TFAP2B: variants seen among roughly 807,000 people sequenced by gnomAD.
The protein encoded by TFAP2B is transcription factor AP-2-beta.
Under a neutral mutation model 44.3 loss-of-function variants are expected in TFAP2B, and 9 were observed. The observed-to-expected ratio is 0.20, with a 90% CI of 0.12 to 0.35. The LOEUF is 0.35. Ranked by LOEUF, TFAP2B falls within the 10% of genes least tolerant of loss-of-function variation. TFAP2B has a pLI of 1.00. For missense variants in TFAP2B, 509 were observed against 600.0 expected, an observed-to-expected ratio of 0.85 and a Z score of 1.59; for synonymous variants, 270 against 263.8, an observed-to-expected ratio of 1.02 and a Z score of -0.23.
intron 3 of TFAP2B, among the ~76,000 whole-genome samples, chr6:50,830,086 C>G (rs1267857679): frequency 6.6e-6 from 1 of 152,074 alleles, no homozygotes; most frequent in Non-Finnish European, 1.5e-5. Flanking sequence ...CCTGTTTTCT[C>G]TTGGGTCTCC....
chr6:50,822,079 AT>A (rs36011604), intron 1 of TFAP2B: 148,901 of 1,198,996 alleles, frequency 0.12, 8,510 homozygotes, highest in African/African-American at 0.19. Flanking sequence ...GGACTCCTTG[AT>A]TTTTTTTTTA....
chr6:50,831,170 C>T (rs186595783), intron 3 of TFAP2B, among the ~76,000 whole-genome samples: 4 of 152,244 alleles, frequency 2.6e-5, no homozygotes, highest in Admixed American at 2.6e-4. Flanking sequence ...TTATGGGCTC[C>T]CTCTCTTGTT....
intron 3 of TFAP2B, among the ~76,000 whole-genome samples, chr6:50,832,382 T>C (rs997217768): frequency 3.9e-5 from 6 of 152,244 alleles, no homozygotes; most frequent in African/African-American, 9.6e-5. Context: ...CCCTATAAGA[T>C]GCCAATACTG....
chr6:50,819,210 C>A (rs1770254504), intron 1 of TFAP2B, among the ~76,000 whole-genome samples: 2 of 151,728 alleles, frequency 1.3e-5, no homozygotes, highest in African/African-American at 4.8e-5. Context: ...TTTTATTTTT[C>A]TTTCCCTTTT....
intron 3 of TFAP2B, among the ~76,000 whole-genome samples, chr6:50,835,232 G>A (rs181553929): frequency 7.2e-5 from 11 of 152,336 alleles, no homozygotes; most frequent in Non-Finnish European, 1.5e-4. Flanking sequence ...CAAGACCGCC[G>A]CTCATATGAA....
intron 6 of TFAP2B, among the ~76,000 whole-genome samples, chr6:50,841,029 CAGCGTAATTTAAAGA>C (rs1371913621): frequency 4.6e-5 from 7 of 152,326 alleles, no homozygotes; most frequent in Non-Finnish European, 7.4e-5. Context: ...GTCCCGTTGA[CAGCGTAATTTAAAGA>C]AATATATGGA....
chr6:50,827,335 A>T (rs1373565953), intron 2 of TFAP2B, among the ~76,000 whole-genome samples: 1 of 152,234 alleles, frequency 6.6e-6, no homozygotes, highest in Non-Finnish European at 1.5e-5. Context: ...ATTTCCTAAG[A>T]TGTGCATGGC....
At position 50,823,504 on chromosome 6, in the gene TFAP2B, C is replaced by A. The variant is rs1358938992; in HGVS notation, c.179C>A (p.Thr60Asn). The A allele has an allele frequency of 6.2e-7, 1 of 1,613,666 alleles. No homozygotes were observed. The highest frequency in any genetic ancestry group is 1.7e-5 in the Admixed American group (1 of 59,958). Reference sequence around the variant, plus strand: ...TCGAGCGCCCCGCCGCTGTCCCACACCCCGTCGTCGGACTTCCAGCCGCCC... The same window carrying A: ...TCGAGCGCCCCGCCGCTGTCCCACAACCCGTCGTCGGACTTCCAGCCGCCC... The part of the protein sequence containing the change: ...PYSSAPPLSH[T>N]PSSDFQPPYF... Residue 60 changes from threonine to asparagine, a missense_variant, in exon 2 of 7, where the codon ACC becomes AAC. Thr to Asn is a moderately conservative substitution (Grantham distance 65). This residue lies in a region of TFAP2B where 296 missense variants were observed against 308.2 expected (regional missense o/e 0.96). Transcript: ENST00000393655.
chr6:50,832,478 C>T (rs560938919), intron 3 of TFAP2B, among the ~76,000 whole-genome samples: 22 of 152,082 alleles, frequency 1.4e-4, no homozygotes, highest in Non-Finnish European at 1.5e-4. Context: ...TATACATGCA[C>T]TATAGTTGTG....
Position 50,836,313 on chromosome 6 carries a change from A to T in TFAP2B, c.821+33A>T, listed in dbSNP as rs1459838414. On this transcript the variant is annotated intron_variant, in intron 4 of 6. Coordinates refer to ENST00000393655, the MANE Select transcript of TFAP2B (RefSeq NM_003221.4). Reference sequence around the variant, plus strand: ...CACCACGAAAAACAAAAACAAAAACAAAAAAACAAACAAAAACCCACCAGT... The same window carrying T: ...CACCACGAAAAACAAAAACAAAAACTAAAAAACAAACAAAAACCCACCAGT... 3 of 1,578,790 alleles carry T rather than the reference A, an allele frequency of 1.9e-6. No homozygotes were observed. In the East Asian group the frequency reaches 6.7e-5, roughly 35 times the overall value.
intron 5 of TFAP2B, 76 bp from the exon 6 acceptor site, chr6:50,840,080 T>A: frequency 1.3e-6 from 2 of 1,589,456 alleles, no homozygotes; most frequent in Non-Finnish European, 1.7e-6. Flanking sequence ...CTAACAAAGC[T>A]GACAAGGGAA....
chr6:50,843,349 C>G lies in TFAP2B; in HGVS notation c.1340C>G (p.Pro447Arg). The G allele has an allele frequency of 6.2e-7, 1 of 1,613,956 alleles. No homozygotes were observed. The highest frequency in any genetic ancestry group is 8.5e-7 in the Non-Finnish European group (1 of 1,180,016). ...TTNRHTSGEG[P>R]GSKTGDKEEK... ...AACAGGCACACGTCTGGGGAAGGCC[C>G]AGGTAGTAAAACTGGCGACAAGGAG... Residue 447 changes from proline (P) to arginine (R), a missense_variant, in exon 7 of 7, where the codon CCA becomes CGA. This residue lies in a region of TFAP2B where 168 missense variants were observed against 183.2 expected (regional missense o/e 0.92). Coordinates refer to ENST00000393655, the MANE Select transcript of TFAP2B (RefSeq NM_003221.4).
rs962367849 is a variant in TFAP2B at position 50,843,878 on chromosome 6, C to A, written c.*486C>A. ...TCCCCGCCCTCCATCTCACCTCACC[C>A]GTCTCCCAACCACCCTTTTCCATGT... On this transcript the variant is annotated 3_prime_UTR_variant, in exon 7 of 7. Transcript: ENST00000393655. The A allele has an allele frequency of 3.3e-4, 53 of 161,516 alleles. 1 individual carries two copies. Among genetic ancestry groups the A allele is most frequent in the Admixed American group, 9.9e-4 (16 of 16,126 alleles). The allele number at this position is 161,516 out of a possible 1,614,324, so 10.0% of individuals were successfully genotyped here. A position where few individuals can be genotyped will look rare whatever the true frequency, so the allele number is the denominator to read the frequency against.
chr6:50,823,384 C>T (rs1315939398), intron 1 of TFAP2B, 23 bp from the exon 2 acceptor site: 2 of 1,558,676 alleles, frequency 1.3e-6, no homozygotes, highest in Middle Eastern at 1.9e-4. Context: ...TGGCTCTCTT[C>T]CCCTTCCTCT....
intron 3 of TFAP2B, among the ~76,000 whole-genome samples, chr6:50,835,579 G>A (rs143761816): frequency 7.9e-5 from 12 of 152,268 alleles, no homozygotes; most frequent in African/African-American, 2.9e-4. Flanking sequence ...AGGAGGAAGG[G>A]GTTTCCATTG....
chr6:50,823,389 T>C lies in TFAP2B; in HGVS notation c.82-18T>C. 6.4e-7 allele frequency: 1 copy of C among 1,566,934 alleles called. No homozygotes were observed. Among genetic ancestry groups the C allele is most frequent in the Non-Finnish European group, 8.7e-7 (1 of 1,155,642 alleles). Reference sequence around the variant, plus strand: ...TCTCCTTCTCTGGCTCTCTTCCCCTTCCTCTCTCCGCTCCCAGGACCGGCA... The same window carrying C: ...TCTCCTTCTCTGGCTCTCTTCCCCTCCCTCTCTCCGCTCCCAGGACCGGCA... On this transcript the variant is annotated intron_variant, in intron 1 of 6. Coordinates refer to ENST00000393655, the MANE Select transcript of TFAP2B (RefSeq NM_003221.4).
chr6:50,833,931 G>T (rs1334602522), intron 3 of TFAP2B, among the ~76,000 whole-genome samples: 1 of 152,152 alleles, frequency 6.6e-6, no homozygotes, highest in Non-Finnish European at 1.5e-5. Flanking sequence ...ATGTTGCTAA[G>T]TATAGAGGTG....
intron 3 of TFAP2B, among the ~76,000 whole-genome samples, chr6:50,835,839 C>T (rs913150109): frequency 9.9e-5 from 15 of 152,218 alleles, no homozygotes; most frequent in African/African-American, 3.6e-4. Flanking sequence ...AAATGACACT[C>T]ATATGTCTAC....
chr6:50,834,651 T>C (rs926755351), intron 3 of TFAP2B, among the ~76,000 whole-genome samples: 1 of 152,190 alleles, frequency 6.6e-6, no homozygotes, highest in Non-Finnish European at 1.5e-5. Flanking sequence ...GTCTGTTCCA[T>C]AGAAGGGATG....
Sources: gnomAD v4.1 joint callset for allele counts (sites outside exome capture counted in the v4.1 genomes callset) on GRCh38, gnomAD v4.1.1 for gene constraint, gnomAD v4.1.1 regional missense constraint, MANE v1.5 for transcripts, NCBI Gene and HGNC (gene_info 2026-07-23, HGNC 2026-07-21) for gene names.